ANP32A: variants seen among roughly 807,000 people sequenced by gnomAD.
ANP32A encodes acidic leucine-rich nuclear phosphoprotein 32 family member A.
Under a neutral mutation model 33.9 loss-of-function variants are expected in ANP32A, and 1 was observed. The ratio of observed to expected loss-of-function variants is 0.03; its 90% CI spans 0.01 to 0.14. The LOEUF is 0.14. Ranked by LOEUF, ANP32A falls within the 10% of genes least tolerant of loss-of-function variation. The pLI is 1.00. For synonymous variants in ANP32A, 115 were observed against 120.5 expected (o/e 0.95, Z 0.30); for missense variants, 155 against 306.0 (o/e 0.51, Z 3.68).
At chr15:68,819,603 T>G (rs1204447904) in intron 1 of ANP32A, among the ~76,000 whole-genome samples, 1 of 152,192 alleles carries the variant, frequency 6.6e-6, no homozygotes, top group Non-Finnish European at 1.5e-5. Context: ...CTGACAAAGT[T>G]TCCCGTGCCC....
At position 68,779,961 on chromosome 15, in the gene ANP32A, G is replaced by T; in HGVS notation, c.*120C>A. The stretch of plus-strand genomic sequence containing the variant: ...ACACTCTTCCCCTCTCGTTCCCACA[G>T]CAACGTTACAATCAGAAAAAAATAA... On this transcript the variant is annotated 3_prime_UTR_variant, in exon 7 of 7. Transcript: ENST00000465139. The T allele has an allele frequency of 1.5e-6, 1 of 649,350 alleles. No individual in the cohort carries two copies. The highest frequency in any genetic ancestry group is 2.3e-6 in the Non-Finnish European group (1 of 428,318). 40.2% of individuals were successfully genotyped at this position (649,350 alleles called of 1,614,324 possible).
intron 1 of ANP32A, among the ~76,000 whole-genome samples, chr15:68,797,622 C>A (rs528528844): frequency 4.6e-5 from 7 of 152,336 alleles, no homozygotes; most frequent in Admixed American, 4.6e-4. Flanking sequence ...GTGCTTCCTC[C>A]CATCTCAGCC....
In ANP32A at chr15:68,780,557, CG is replaced by C. The variant is rs1893854869; in HGVS notation, c.625-85del. 1.9e-6 allele frequency: 3 copies of C among 1,576,346 alleles called. No individual in the cohort carries two copies. The highest frequency in any genetic ancestry group is 2.6e-6 in the Non-Finnish European group (3 of 1,163,028). ...GAAGCCACACAGAGCACAAAAAGGC[CG>C]GGGTCACCCCCAGCCTCTCAGAGCC... On this transcript the variant is annotated intron_variant, in intron 5 of 6. Coordinates refer to ENST00000465139, the MANE Select transcript of ANP32A (RefSeq NM_006305.4). This position sits in a 1 kb window ranked among gnomAD's most constrained non-coding sequence, Gnocchi z 4.3.
chr15:68,813,996 A>G (rs1376470368), intron 1 of ANP32A, among the ~76,000 whole-genome samples: 15 of 148,488 alleles, frequency 1.0e-4, no homozygotes, highest in African/African-American at 3.5e-4. Context: ...CAGCCTCCCG[A>G]ATAGCTGGGA....
chr15:68,783,130 G>A (rs1449088340), intron 4 of ANP32A, 77 bp from the exon 5 acceptor site: 2 of 1,537,700 alleles, frequency 1.3e-6, no homozygotes, highest in Non-Finnish European at 1.8e-6. Flanking sequence ...CAGGCCCCTT[G>A]TAGCGTCTTC....
At chr15:68,798,509 A>T (rs932068043) in intron 1 of ANP32A, among the ~76,000 whole-genome samples, 59 of 152,184 alleles carry the variant, frequency 3.9e-4, no homozygotes, top group African/African-American at 1.4e-3. Flanking sequence ...CTAGCAATTG[A>T]TGAAGCTGGG....
intron 1 of ANP32A, among the ~76,000 whole-genome samples, chr15:68,815,913 T>C (rs577641295): frequency 8.5e-5 from 13 of 152,326 alleles, no homozygotes; most frequent in African/African-American, 3.1e-4. Flanking sequence ...TCCCAGATAC[T>C]AAAGACATGC....
At chr15:68,788,604 T>C (rs1893962756) in intron 1 of ANP32A, among the ~76,000 whole-genome samples, 1 of 152,228 alleles carries the variant, frequency 6.6e-6, no homozygotes, top group African/African-American at 2.4e-5. Flanking sequence ...CCAGTGAGAC[T>C]AAGGAATAGA....
intron 1 of ANP32A, among the ~76,000 whole-genome samples, chr15:68,809,958 A>G (rs1319574559): frequency 1.3e-5 from 2 of 152,228 alleles, no homozygotes; most frequent in East Asian, 3.8e-4. Context: ...TGGAATATGT[A>G]GTTACAAACT....
chr15:68,817,229 C>A (rs2140376482), intron 1 of ANP32A, among the ~76,000 whole-genome samples: 1 of 152,366 alleles, frequency 6.6e-6, no homozygotes, highest in African/African-American at 2.4e-5. Flanking sequence ...AGCAAACCTT[C>A]ATCCCTCTCT....
rs1347102087 is a variant in ANP32A, at chr15:68,787,522, T to C, written c.218A>G (p.Asp73Gly). Reference sequence around the variant, plus strand: ...TTCCAGGCCCCCTGAGACTCTGTTATCGCTTAGTTCAAGCTAAATAAGGCA... The same window carrying C: ...TTCCAGGCCCCCTGAGACTCTGTTACCGCTTAGTTCAAGCTAAATAAGGCA... ...LNKLKKLELS[D>G]NRVSGGLEVL... Residue 73 changes from aspartate to glycine, a missense_variant, in exon 3 of 7, where the codon GAT becomes GGT. Around this residue, in one of 4 missense-constraint regions of ANP32A, gnomAD observed 85 missense variants for 183.8 expected, o/e 0.46. Transcript: ENST00000465139. The C allele has an allele frequency of 6.2e-7, 1 of 1,614,204 alleles. No individual in the cohort carries two copies. The highest frequency in any genetic ancestry group is 1.3e-5 in the African/African-American group (1 of 75,048).
intron 1 of ANP32A, among the ~76,000 whole-genome samples, chr15:68,796,576 G>T (rs1894067119): frequency 6.6e-6 from 1 of 152,208 alleles, no homozygotes; most frequent in South Asian, 2.1e-4. Context: ...CTGGAAGACT[G>T]AAGAGGTAGG....
At chr15:68,807,005 G>A (rs943314008) in intron 1 of ANP32A, among the ~76,000 whole-genome samples, 2 of 152,206 alleles carry the variant, frequency 1.3e-5, no homozygotes, top group African/African-American at 4.8e-5. Flanking sequence ...TCTGGCAGGG[G>A]GTATGGACAT....
At chr15:68,796,458 A>G (rs1894065392) in intron 1 of ANP32A, among the ~76,000 whole-genome samples, 1 of 152,122 alleles carries the variant, frequency 6.6e-6, no homozygotes, top group Admixed American at 6.5e-5. Flanking sequence ...CATGTGATCC[A>G]CCTGTCTCCA....
At chr15:68,818,785 G>C (rs1268253846) in intron 1 of ANP32A, among the ~76,000 whole-genome samples, 2 of 151,544 alleles carry the variant, frequency 1.3e-5, no homozygotes, top group African/African-American at 4.9e-5. Flanking sequence ...CTCCGCGCAG[G>C]GGGCTTCCGG....
At chr15:68,784,695 C>T in intron 3 of ANP32A, 100 bp from the exon 4 acceptor site, 1 of 1,309,450 alleles carries the variant, frequency 7.6e-7, no homozygotes, top group Non-Finnish European at 1.1e-6. Flanking sequence ...ATAGCATGCG[C>T]AGACCATGAC....
intron 3 of ANP32A, among the ~76,000 whole-genome samples, chr15:68,786,544 G>C (rs918910401): frequency 6.6e-6 from 1 of 152,098 alleles, no homozygotes; most frequent in Non-Finnish European, 1.5e-5. Flanking sequence ...AAAGGTGTGA[G>C]ATACCACGCC....
intron 1 of ANP32A, among the ~76,000 whole-genome samples, chr15:68,793,495 C>T (rs747375285): frequency 8.5e-5 from 13 of 152,120 alleles, no homozygotes; most frequent in Admixed American, 6.5e-4. Flanking sequence ...TGAGGAGACA[C>T]GGAAGAAACA....
chr15:68,786,805 A>G (rs1226613752), intron 3 of ANP32A, among the ~76,000 whole-genome samples: 1 of 152,148 alleles, frequency 6.6e-6, no homozygotes. Context: ...TGAGCAGAGG[A>G]GCCAGAAATG....
Sources: allele counts gnomAD v4.1 joint callset (sites outside exome capture counted in the v4.1 genomes callset), GRCh38; gene constraint gnomAD v4.1.1; regional missense constraint gnomAD v4.1.1; non-coding constraint Gnocchi (gnomAD v3.1); transcripts MANE v1.5; gene names NCBI Gene and HGNC (gene_info 2026-07-23, HGNC 2026-07-21).